The following GRM7 variants were observed in gnomAD, a reference collection of about 807,000 sequenced individuals.
The protein encoded by GRM7 is glutamate metabotropic receptor 7.
A neutral mutation model predicts 84.5 loss-of-function variants in GRM7; 35 were observed. The ratio of observed to expected loss-of-function variants is 0.41; its 90% CI spans 0.32 to 0.55. The LOEUF (loss-of-function observed/expected upper bound fraction) is 0.55, where lower values mean the gene tolerates loss of function less well. Among genes scored for constraint, GRM7 ranks in the 20% least tolerant of loss-of-function variants. The pLI is 0.19. For synonymous variants in GRM7, 487 were observed against 455.1 expected (o/e 1.07, Z -0.89); for missense variants, 1,003 against 1,194.6 (o/e 0.84, Z 2.36).
At chr3:7,445,404 T>A (rs550242017) in intron 5 of GRM7, among the ~76,000 whole-genome samples, 1 of 152,210 alleles carries the variant, frequency 6.6e-6, no homozygotes, top group Middle Eastern at 3.4e-3. Context: ...ATCCCAGAAG[T>A]GTGCTGTGAG....
chr3:7,024,380 C>T (rs1037901979), intron 1 of GRM7, among the ~76,000 whole-genome samples: 44 of 152,174 alleles, frequency 2.9e-4, no homozygotes, highest in African/African-American at 7.7e-4. Flanking sequence ...GCAATTGCTG[C>T]GTTCAAGTGA....
chr3:7,445,652 GC>G (rs1362019733), intron 5 of GRM7, among the ~76,000 whole-genome samples: 1 of 152,054 alleles, frequency 6.6e-6, no homozygotes, highest in African/African-American at 2.4e-5. Context: ...TTCTCACAAG[GC>G]CATAGGATTT....
At chr3:7,186,281 A>C (rs982511760) in intron 2 of GRM7, among the ~76,000 whole-genome samples, 2 of 152,206 alleles carry the variant, frequency 1.3e-5, no homozygotes, top group Admixed American at 1.3e-4. Flanking sequence ...AAATTAATAA[A>C]ATTTGAGTGC....
At chr3:7,476,784 A>C (rs1308830507) in intron 7 of GRM7, among the ~76,000 whole-genome samples, 1 of 151,830 alleles carries the variant, frequency 6.6e-6, no homozygotes, top group Non-Finnish European at 1.5e-5. Context: ...TCATACCCAC[A>C]CTTCTGTCTC....
intron 1 of GRM7, among the ~76,000 whole-genome samples, chr3:7,054,285 TAA>T (rs1697129618): frequency 6.7e-6 from 1 of 149,354 alleles, no homozygotes; most frequent in African/African-American, 2.4e-5. Flanking sequence ...ACATATATCA[TAA>T]AAGATAAGAT....
chr3:7,436,545 A>G (rs1697064254), intron 5 of GRM7, among the ~76,000 whole-genome samples: 1 of 152,172 alleles, frequency 6.6e-6, no homozygotes, highest in Admixed American at 6.5e-5. Context: ...TTATATAACA[A>G]CTAATGCTAC....
chr3:7,149,089 G>A (rs1445763603), intron 2 of GRM7, among the ~76,000 whole-genome samples: 7 of 152,068 alleles, frequency 4.6e-5, no homozygotes, highest in South Asian at 2.1e-4. Context: ...TATCTGGTAC[G>A]TATTTATAAC....
chr3:7,160,482 C>G (rs1559477162), intron 2 of GRM7, among the ~76,000 whole-genome samples: 1 of 152,126 alleles, frequency 6.6e-6, no homozygotes, highest in Admixed American at 6.6e-5. Context: ...TCTGATCACC[C>G]TCAGTGCTCT....
intron 1 of GRM7, among the ~76,000 whole-genome samples, chr3:6,982,778 T>C (rs1694257918): frequency 6.6e-6 from 1 of 152,200 alleles, no homozygotes; most frequent in African/African-American, 2.4e-5. Flanking sequence ...TTAATACCTT[T>C]GAGATTTATC....
intron 1 of GRM7, among the ~76,000 whole-genome samples, chr3:6,888,424 G>A (rs1038452758): frequency 5.3e-5 from 8 of 152,050 alleles, no homozygotes; most frequent in Non-Finnish European, 1.0e-4. Context: ...TGTAAGGAAG[G>A]GATCCAGTTT....
intron 4 of GRM7, among the ~76,000 whole-genome samples, chr3:7,339,502 A>G (rs962707289): frequency 1.3e-5 from 2 of 152,118 alleles, no homozygotes; most frequent in African/African-American, 4.8e-5. Context: ...TGGAGTACGG[A>G]CAGTGTTCCT....
chr3:7,381,647 A>T (rs1003887017), intron 4 of GRM7, among the ~76,000 whole-genome samples: 2 of 152,182 alleles, frequency 1.3e-5, no homozygotes, highest in African/African-American at 4.8e-5. Context: ...CCATTTCCTC[A>T]TCTATACAGT....
chr3:7,455,488 A>G (rs953864228), intron 6 of GRM7, among the ~76,000 whole-genome samples: 1 of 152,152 alleles, frequency 6.6e-6, no homozygotes, highest in African/African-American at 2.4e-5. Context: ...AGACTCATGA[A>G]CATTGTGTGC....
intron 4 of GRM7, among the ~76,000 whole-genome samples, chr3:7,365,153 T>G (rs1204605144): frequency 6.6e-6 from 1 of 151,776 alleles, no homozygotes; most frequent in African/African-American, 2.4e-5. Flanking sequence ...CCAAACGAAT[T>G]TTTTAAAGAT....
At chr3:7,446,764 T>A (rs75903963) in intron 5 of GRM7, among the ~76,000 whole-genome samples, 2 of 151,630 alleles carry the variant, frequency 1.3e-5, no homozygotes, top group African/African-American at 2.4e-5. Context: ...CCGGCCAGGA[T>A]TTTTTTTTAT....
At chr3:6,977,357 GTGTT>G (rs1405200327) in intron 1 of GRM7, among the ~76,000 whole-genome samples, 1 of 152,030 alleles carries the variant, frequency 6.6e-6, no homozygotes, top group Non-Finnish European at 1.5e-5. Context: ...TGGCGTGTGT[GTGTT>G]TGTCTGTGTG....
chr3:7,257,094 G>A (rs891226978), intron 2 of GRM7, among the ~76,000 whole-genome samples: 1 of 151,904 alleles, frequency 6.6e-6, no homozygotes, highest in Non-Finnish European at 1.5e-5. Flanking sequence ...CACTAAAATA[G>A]GTCAACCCTT....
chr3:7,206,444 T>C (rs760977143), intron 2 of GRM7, among the ~76,000 whole-genome samples: 4 of 152,158 alleles, frequency 2.6e-5, no homozygotes, highest in Non-Finnish European at 4.4e-5. Context: ...GAGATACTGA[T>C]GGTTAAAAAA....
At chr3:6,916,891 G>A (rs1253071257) in intron 1 of GRM7, among the ~76,000 whole-genome samples, 1 of 152,098 alleles carries the variant, frequency 6.6e-6, no homozygotes, top group Non-Finnish European at 1.5e-5. Flanking sequence ...AACTGAAATG[G>A]TGGCTGGGTG....
Sources: gnomAD v4.1 joint callset for allele counts (sites outside exome capture counted in the v4.1 genomes callset) on GRCh38, gnomAD v4.1.1 for gene constraint, MANE v1.5 for transcripts, NCBI Gene and HGNC (gene_info 2026-07-23, HGNC 2026-07-21) for gene names.